ANK1: variants seen among roughly 807,000 people sequenced by gnomAD.
The protein encoded by ANK1 is ankyrin 1.
A neutral mutation model predicts 210.4 loss-of-function variants in ANK1; 51 were observed. The observed-to-expected ratio is 0.24, with a 90% CI of 0.19 to 0.31. ANK1 has a LOEUF of 0.31. Among genes scored for constraint, ANK1 ranks in the 10% least tolerant of loss-of-function variants. The pLI is 1.00. For missense variants in ANK1, 2,051 were observed against 2,504.4 expected (o/e 0.82, Z 3.86); for synonymous variants, 967 against 1,025.9 (o/e 0.94, Z 1.10).
At chr8:41,690,159 G>C in intron 33 of ANK1, 68 bp downstream of exon 33, 1 of 1,609,202 alleles carries the variant, frequency 6.2e-7, no homozygotes, top group Admixed American at 1.7e-5. Flanking sequence ...CTGGACCTGG[G>C]GTCTGTTTGG....
chr8:41,672,266 C>T (rs1214220569), intron 38 of ANK1, 88 bp downstream of exon 38: 49 of 1,440,932 alleles, frequency 3.4e-5, no homozygotes, highest in Non-Finnish European at 4.2e-5. Flanking sequence ...GGGTTGGCAT[C>T]GACACCTCTG....
At chr8:41,825,973 C>T (rs552979249) in intron 1 of ANK1, among the ~76,000 whole-genome samples, 4 of 152,242 alleles carry the variant, frequency 2.6e-5, no homozygotes, top group African/African-American at 7.2e-5. Flanking sequence ...TACCCAGTCT[C>T]GGGTATGTCT....
chr8:41,752,661 G>A (rs1837992813), intron 2 of ANK1, among the ~76,000 whole-genome samples: 1 of 152,080 alleles, frequency 6.6e-6, no homozygotes, highest in African/African-American at 2.4e-5. Context: ...CCCTCGGAAA[G>A]TCTTTCTTGA....
intron 1 of ANK1, among the ~76,000 whole-genome samples, chr8:41,837,906 G>A (rs1392021913): frequency 1.3e-5 from 2 of 152,140 alleles, no homozygotes; most frequent in South Asian, 2.1e-4. Flanking sequence ...ATGACACCTG[G>A]TGAACACCGT....
chr8:41,821,222 T>C (rs1418723968), intron 1 of ANK1, among the ~76,000 whole-genome samples: 3 of 152,208 alleles, frequency 2.0e-5, no homozygotes, highest in Non-Finnish European at 4.4e-5. Context: ...TGAGAGACTT[T>C]GTCAATATAC....
At chr8:41,761,159 G>A (rs1477792645) in intron 1 of ANK1, among the ~76,000 whole-genome samples, 1 of 140,316 alleles carries the variant, frequency 7.1e-6, no homozygotes, top group Admixed American at 7.1e-5. Context: ...GCACATATAT[G>A]TGTATGCACA....
chr8:41,816,588 C>T (rs1167978839), intron 1 of ANK1, among the ~76,000 whole-genome samples: 1 of 152,024 alleles, frequency 6.6e-6, no homozygotes, highest in Non-Finnish European at 1.5e-5. Flanking sequence ...CACCACCCCA[C>T]CCAGCTAATT....
At position 41,797,409 on chromosome 8, in the gene ANK1, G is replaced by A; in HGVS notation, c.27+103C>T. ...AGCCCACGGGGAGGCGAGGCGGGTG[G>A]GGTGTGCAAAGCTGCTCTTGCTCGC... On this transcript the variant is annotated intron_variant, in intron 1 of 42. Coordinates refer to ENST00000289734, the MANE Select transcript of ANK1 (RefSeq NM_000037.4). The surrounding 1 kb of genome is among the most constrained non-coding windows in gnomAD (Gnocchi z 4.0). The A allele has an allele frequency of 1.9e-6, 2 of 1,034,408 alleles. No homozygotes were observed. Among genetic ancestry groups the A allele is most frequent in the Non-Finnish European group, 2.9e-6 (2 of 679,392 alleles). The allele number at this position is 1,034,408 out of a possible 1,614,324, so 64.1% of individuals were successfully genotyped here.
intron 16 of ANK1, among the ~76,000 whole-genome samples, chr8:41,709,213 G>A (rs538449774): frequency 8.0e-4 from 122 of 152,276 alleles, no homozygotes; most frequent in African/African-American, 2.9e-3. Context: ...TCTGTTTTCT[G>A]TTATGCTTTG....
At chr8:41,767,515 C>T (rs917868532) in intron 1 of ANK1, among the ~76,000 whole-genome samples, 1 of 152,174 alleles carries the variant, frequency 6.6e-6, no homozygotes, top group Non-Finnish European at 1.5e-5. Flanking sequence ...CGCCCCGGCC[C>T]GGCCCTGGCC....
chr8:41,890,708 C>CAAAAAAAAAAAAAAAAAAAA (rs557921949), intron 1 of ANK1, among the ~76,000 whole-genome samples: 3 of 62,960 alleles, frequency 4.8e-5, no homozygotes, highest in East Asian at 4.7e-4. Context: ...GACTCCGTCT[C>CAAAAAAAAAAAAAAAAAAAA]AAAAAAAAAA....
At chr8:41,846,531 G>A (rs1810088498) in intron 1 of ANK1, among the ~76,000 whole-genome samples, 1 of 152,228 alleles carries the variant, frequency 6.6e-6, no homozygotes, top group Non-Finnish European at 1.5e-5. Flanking sequence ...GCTGGCATTT[G>A]TCCCAGGAAC....
At chr8:41,830,250 C>T (rs1806345267) in intron 1 of ANK1, among the ~76,000 whole-genome samples, 1 of 150,748 alleles carries the variant, frequency 6.6e-6, no homozygotes, top group South Asian at 2.1e-4. Flanking sequence ...GACCAAACAG[C>T]CAAAGCCCCT....
At chr8:41,725,238 G>A (rs755965446) in intron 6 of ANK1, among the ~76,000 whole-genome samples, 18 of 152,210 alleles carry the variant, frequency 1.2e-4, no homozygotes, top group Non-Finnish European at 2.1e-4. Flanking sequence ...CGGGGTGCAG[G>A]AGGGGACTTT....
intron 2 of ANK1, among the ~76,000 whole-genome samples, chr8:41,745,959 G>A (rs987151900): frequency 6.6e-6 from 1 of 152,226 alleles, no homozygotes; most frequent in African/African-American, 2.4e-5. Flanking sequence ...CTGGGCTCAA[G>A]CCATCCTCCC....
Position 41,704,386 on chromosome 8 carries a change from A to G in ANK1, c.2184T>C (p.Asn728=). The part of the protein sequence containing the change: ...KFLLQHQADV[N]AKTKLGYSPL... Reference sequence around the variant, plus strand: ...GGCACCCCTGTACCTTGGTCTTGGCATTGACATCTGCCTGGTGCTGCAGCA... The same window carrying G: ...GGCACCCCTGTACCTTGGTCTTGGCGTTGACATCTGCCTGGTGCTGCAGCA... Residue 728 remains asparagine (N), a synonymous_variant, in exon 19 of 43, where the codon AAT becomes AAC. Coordinates refer to ENST00000289734, the MANE Select transcript of ANK1 (RefSeq NM_000037.4). The surrounding 1 kb of genome is among the most constrained non-coding windows in gnomAD (Gnocchi z 4.1). 1 of 1,614,092 alleles carries G rather than the reference A, an allele frequency of 6.2e-7. No homozygotes were observed. Among genetic ancestry groups the G allele is most frequent in the Non-Finnish European group, 8.5e-7 (1 of 1,179,982 alleles).
intron 3 of ANK1, among the ~76,000 whole-genome samples, chr8:41,733,210 A>G (rs1832646953): frequency 6.6e-6 from 1 of 152,232 alleles, no homozygotes; most frequent in Non-Finnish European, 1.5e-5. Context: ...GAAATACGTT[A>G]CTGTGGATGC....
intron 1 of ANK1, among the ~76,000 whole-genome samples, chr8:41,858,254 A>G (rs1812578914): frequency 6.6e-6 from 1 of 151,546 alleles, no homozygotes; most frequent in Non-Finnish European, 1.5e-5. Flanking sequence ...AGGCTTAGGC[A>G]GGAGAATCGC....
rs763313772 is a variant in ANK1 at position 41,727,899 on chromosome 8, A to G, written c.327+9T>C. The G allele has an allele frequency of 1.9e-6, 3 of 1,613,848 alleles. No individual in the cohort carries two copies. The highest frequency in any genetic ancestry group is 2.2e-5 in the East Asian group (1 of 44,878). On this transcript the variant is annotated intron_variant, in intron 4 of 42. Coordinates refer to ENST00000289734, the MANE Select transcript of ANK1 (RefSeq NM_000037.4). The stretch of plus-strand genomic sequence containing the variant: ...CAACACCCTCTAGTCCAGACCAGAG[A>G]GCCATTACCTGTGACTGGGCGTTGA...
Sources: allele counts gnomAD v4.1 joint callset (sites outside exome capture counted in the v4.1 genomes callset), GRCh38; gene constraint gnomAD v4.1.1; non-coding constraint Gnocchi (gnomAD v3.1); transcripts MANE v1.5; gene names NCBI Gene and HGNC (gene_info 2026-07-23, HGNC 2026-07-21).